Variants in RORA observed in about 807,000 individuals in gnomAD.
The protein encoded by RORA is RAR related orphan receptor A, also known as nuclear receptor ROR-alpha.
In RORA, 7 loss-of-function variants were observed where a neutral mutation model predicts 69.5. The observed-to-expected ratio is 0.10, with a 90% CI of 0.06 to 0.19. The LOEUF (loss-of-function observed/expected upper bound fraction) is 0.19, where lower values mean the gene tolerates loss of function less well. Among genes scored for constraint, RORA ranks in the 10% least tolerant of loss-of-function variants. The pLI is 1.00. For synonymous variants in RORA, 261 were observed against 240.8 expected (o/e 1.08, Z -0.78); for missense variants, 457 against 663.0 (o/e 0.69, Z 3.41).
At chr15:61,138,980 C>CT (rs2079271585) in intron 1 of RORA, among the ~76,000 whole-genome samples, 2 of 151,934 alleles carry the variant, frequency 1.3e-5, no homozygotes, top group East Asian at 3.9e-4. Context: ...CCCGTCTCTA[C>CT]TAGAAATACA....
At chr15:60,991,613 A>C (rs1894380119) in intron 1 of RORA, among the ~76,000 whole-genome samples, 1 of 152,148 alleles carries the variant, frequency 6.6e-6, no homozygotes, top group South Asian at 2.1e-4. Flanking sequence ...TTTAAAAGTT[A>C]AGACGGGGTG....
intron 3 of RORA, among the ~76,000 whole-genome samples, chr15:60,521,096 C>T (rs2066149590): frequency 6.6e-6 from 1 of 152,080 alleles, no homozygotes; most frequent in African/African-American, 2.4e-5. Flanking sequence ...ATCAGAAACA[C>T]CCACAGAGCT....
intron 1 of RORA, among the ~76,000 whole-genome samples, chr15:60,687,129 G>A (rs1177149070): frequency 6.6e-6 from 1 of 152,130 alleles, no homozygotes; most frequent in East Asian, 1.9e-4. Flanking sequence ...GAGGGAATCT[G>A]CCAAAGTGGA....
chr15:60,675,220 A>C (rs960025961), intron 2 of RORA, among the ~76,000 whole-genome samples: 10 of 152,256 alleles, frequency 6.6e-5, no homozygotes, highest in Admixed American at 5.9e-4. Flanking sequence ...CCAACACAGC[A>C]GCTGATTCCG....
intron 1 of RORA, among the ~76,000 whole-genome samples, chr15:60,882,222 A>G (rs2073688935): frequency 6.6e-6 from 1 of 152,198 alleles, no homozygotes; most frequent in Non-Finnish European, 1.5e-5. Context: ...TTTTCAGCCT[A>G]GAATGGCATT....
chr15:60,527,101 G>A (rs1219802014), intron 3 of RORA, among the ~76,000 whole-genome samples: 1 of 152,202 alleles, frequency 6.6e-6, no homozygotes, highest in African/African-American at 2.4e-5. Flanking sequence ...ATGCCAGTTT[G>A]TTCTTAGTGT....
intron 2 of RORA, among the ~76,000 whole-genome samples, chr15:60,675,571 C>A (rs1229721587): frequency 6.6e-6 from 1 of 152,196 alleles, no homozygotes; most frequent in Non-Finnish European, 1.5e-5. Context: ...AAAACAAACA[C>A]TTAAGGTACC....
chr15:60,874,262 G>A (rs1252273666), intron 1 of RORA, among the ~76,000 whole-genome samples: 3 of 152,140 alleles, frequency 2.0e-5, no homozygotes, highest in Admixed American at 1.3e-4. Flanking sequence ...TGAGGGTATA[G>A]TTGAAGTTAG....
chr15:60,836,585 G>T (rs1342975753), intron 1 of RORA, among the ~76,000 whole-genome samples: 1 of 152,126 alleles, frequency 6.6e-6, no homozygotes, highest in Non-Finnish European at 1.5e-5. Flanking sequence ...CCTCTCCGAT[G>T]GCTCCCTGAA....
chr15:60,854,491 A>G (rs1485766723), intron 1 of RORA, among the ~76,000 whole-genome samples: 1 of 152,146 alleles, frequency 6.6e-6, no homozygotes, highest in Admixed American at 6.5e-5. Flanking sequence ...GAATCTGCAA[A>G]ATGCTACATG....
chr15:61,104,992 GGC>G (rs1566991098), intron 1 of RORA, among the ~76,000 whole-genome samples: 4 of 146,748 alleles, frequency 2.7e-5, no homozygotes, highest in African/African-American at 7.7e-5. Context: ...ATGATCATGA[GGC>G]GCCCCCCCCA....
chr15:60,767,464 T>G (rs1321418461), intron 1 of RORA, among the ~76,000 whole-genome samples: 2 of 152,210 alleles, frequency 1.3e-5, no homozygotes, highest in Admixed American at 6.5e-5. Flanking sequence ...TTTAAGTACC[T>G]TGCCCTATTT....
intron 1 of RORA, among the ~76,000 whole-genome samples, chr15:61,041,586 T>C (rs930499368): frequency 6.6e-6 from 1 of 152,220 alleles, no homozygotes; most frequent in African/African-American, 2.4e-5. Flanking sequence ...TAGAGACAGC[T>C]CTCACTTTGT....
intron 1 of RORA, among the ~76,000 whole-genome samples, chr15:61,038,427 C>T (rs547841480): frequency 1.3e-5 from 2 of 152,234 alleles, no homozygotes; most frequent in Admixed American, 6.5e-5. Flanking sequence ...CCATGGAAAC[C>T]CTCCAATAGA....
chr15:60,847,082 A>G (rs2073274443), intron 1 of RORA, among the ~76,000 whole-genome samples: 2 of 152,186 alleles, frequency 1.3e-5, no homozygotes, highest in Admixed American at 1.3e-4. Flanking sequence ...TTCTTGTCCT[A>G]GCAATTGATA....
At chr15:60,850,329 C>T (rs1024743190) in intron 1 of RORA, among the ~76,000 whole-genome samples, 2 of 152,122 alleles carry the variant, frequency 1.3e-5, no homozygotes, top group South Asian at 4.2e-4. Flanking sequence ...TGACTCAACC[C>T]CTCTAATTTG....
At chr15:60,715,273 G>A (rs1196396125) in intron 1 of RORA, among the ~76,000 whole-genome samples, 1 of 152,210 alleles carries the variant, frequency 6.6e-6, no homozygotes, top group East Asian at 1.9e-4. Flanking sequence ...AAAGAGGCAT[G>A]AAAGTGGATA....
At chr15:61,161,942 C>G (rs183468978) in intron 1 of RORA, among the ~76,000 whole-genome samples, 1 of 152,186 alleles carries the variant, frequency 6.6e-6, no homozygotes, top group East Asian at 1.9e-4. Flanking sequence ...CGTTTTTGAG[C>G]CATTTTTAAT....
chr15:60,736,083 T>TG (rs1415363201), intron 1 of RORA, among the ~76,000 whole-genome samples: 3 of 152,170 alleles, frequency 2.0e-5, no homozygotes, highest in Non-Finnish European at 4.4e-5. Context: ...AAGCCAGGAC[T>TG]GAGTCTAGGG....
Sources: gnomAD v4.1 joint callset for allele counts (sites outside exome capture counted in the v4.1 genomes callset) on GRCh38, gnomAD v4.1.1 for gene constraint, MANE v1.5 for transcripts, NCBI Gene and HGNC (gene_info 2026-07-23, HGNC 2026-07-21) for gene names.